Variants in FAM13A observed in about 807,000 individuals in gnomAD.
The protein encoded by FAM13A is family with sequence similarity 13 member A, also known as protein FAM13A.
Under a neutral mutation model 129.6 loss-of-function variants are expected in FAM13A, and 76 were observed. The ratio of observed to expected loss-of-function variants is 0.59; its 90% confidence interval spans 0.49 to 0.71. The LOEUF is 0.71. Ranked by LOEUF, FAM13A falls within the 30% of genes least tolerant of loss-of-function variation. The pLI is 0.00. For synonymous variants in FAM13A, 443 were observed against 449.9 expected, an observed-to-expected ratio of 0.98 and a Z score of 0.20; for missense variants, 1,108 against 1,249.3, an observed-to-expected ratio of 0.89 and a Z score of 1.70.
chr4:88,739,234 A>G (rs767120551), intron 19 of FAM13A, 109 bp from the exon 20 acceptor site: 3 of 728,704 alleles, frequency 4.1e-6, no homozygotes, highest in Non-Finnish European at 7.5e-6. Flanking sequence ...AGATGATGCA[A>G]CTTAAGTCTT....
rs1347770141 is a variant in FAM13A at position 88,727,566 on chromosome 4, G to A, written c.*967C>T. 3 of 152,484 alleles carry A rather than the reference G, an allele frequency of 2.0e-5. No individual in the cohort carries two copies. Among genetic ancestry groups the A allele is most frequent in the Non-Finnish European group, 4.4e-5 (3 of 68,060 alleles). The allele number at this position is 152,484 out of a possible 1,614,324, so 9.4% of individuals were successfully genotyped here. A position where few individuals can be genotyped will look rare whatever the true frequency, so the allele number is the denominator to read the frequency against. On this transcript the variant is annotated 3_prime_UTR_variant, in exon 24 of 24. Coordinates refer to ENST00000264344, the MANE Select transcript of FAM13A (RefSeq NM_014883.4). ...TTTTAAAAAAATTAAACTCTGGTAA[G>A]TACTCAGGAGGCTGAGAACACAGGC...
At chr4:88,991,287 C>T (rs1762893171) in intron 3 of FAM13A, 137 bp from the exon 4 acceptor site, 2 of 594,890 alleles carry the variant, frequency 3.4e-6, no homozygotes, top group Admixed American at 3.2e-5. Context: ...GTGTATTTGA[C>T]TTTATGTTAA....
intron 3 of FAM13A, among the ~76,000 whole-genome samples, chr4:89,017,279 T>G (rs1388392448): frequency 6.6e-6 from 1 of 152,160 alleles, no homozygotes; most frequent in African/African-American, 2.4e-5. Flanking sequence ...ATTTAACCTC[T>G]CTTCCCATTC....
intron 3 of FAM13A, among the ~76,000 whole-genome samples, chr4:89,019,300 T>C (rs1294992547): frequency 1.3e-5 from 2 of 152,216 alleles, no homozygotes; most frequent in Non-Finnish European, 2.9e-5. Context: ...TGGCTTTAGG[T>C]AGCACCCTTA....
chr4:88,886,580 C>T (rs1254350511), intron 6 of FAM13A, among the ~76,000 whole-genome samples: 1 of 150,232 alleles, frequency 6.7e-6, no homozygotes, highest in Non-Finnish European at 1.5e-5. Flanking sequence ...AAGAGTGAGA[C>T]TCCATCTTAA....
In FAM13A at chr4:88,816,890, G is replaced by C. The variant is rs527361342; in HGVS notation, c.1008-11838C>G. Among the ~76,000 whole-genome samples the C allele has an allele frequency of 1.2e-4, 19 of 152,264 alleles. No individual in the cohort carries two copies. The South Asian group carries it at 3.3e-3, about 27-fold the overall frequency. ...TAGGGATCCGTTTGGCTCTAAAATA[G>C]AGTCTATATTTTCATAATTCTCAAA... On this transcript the variant is annotated intron_variant, in intron 7 of 23. Transcript: ENST00000264344.
chr4:88,734,200 T>G (rs546712418), intron 21 of FAM13A, among the ~76,000 whole-genome samples: 1 of 152,268 alleles, frequency 6.6e-6, no homozygotes, highest in African/African-American at 2.4e-5. Flanking sequence ...GATGTAGTAT[T>G]TGGATTTCAA....
intron 1 of FAM13A, among the ~76,000 whole-genome samples, chr4:89,041,137 CAGTT>C (rs1361580619): frequency 2.6e-5 from 4 of 152,136 alleles, no homozygotes; most frequent in African/African-American, 9.7e-5. Flanking sequence ...TACAAACATA[CAGTT>C]AGAAAGAAGG....
chr4:88,965,768 G>T (rs1759271427), intron 4 of FAM13A, among the ~76,000 whole-genome samples: 1 of 152,100 alleles, frequency 6.6e-6, no homozygotes, highest in Non-Finnish European at 1.5e-5. Flanking sequence ...CCGTTTCTGT[G>T]AATCTGACTA....
intron 4 of FAM13A, among the ~76,000 whole-genome samples, chr4:88,955,254 A>G (rs1482922273): frequency 2.0e-5 from 3 of 152,130 alleles, no homozygotes; most frequent in East Asian, 1.9e-4. Context: ...ATTTCCCTTC[A>G]GTTTTGATAA....
At chr4:88,961,124 A>C (rs1758538036) in intron 4 of FAM13A, among the ~76,000 whole-genome samples, 1 of 152,170 alleles carries the variant, frequency 6.6e-6, no homozygotes, top group Non-Finnish European at 1.5e-5. Context: ...ATGTTGGCCT[A>C]GAACAATCAA....
intron 21 of FAM13A, among the ~76,000 whole-genome samples, chr4:88,734,481 G>A (rs2860528): frequency 0.16 from 24,737 of 152,106 alleles, 2,468 homozygotes; most frequent in South Asian, 0.31. Context: ...AGTATGAGAC[G>A]TAACAAATTG....
At chr4:89,025,249 T>TTTTTTG (rs1767792746) in intron 2 of FAM13A, among the ~76,000 whole-genome samples, 5 of 51,386 alleles carry the variant, frequency 9.7e-5, no homozygotes, top group African/African-American at 2.2e-4. Flanking sequence ...ATCATTGTTT[T>TTTTTTG]TTTTTTTTTT....
chr4:88,953,308 A>G (rs1292438205), intron 4 of FAM13A, among the ~76,000 whole-genome samples: 1 of 151,976 alleles, frequency 6.6e-6, no homozygotes, highest in Non-Finnish European at 1.5e-5. Context: ...TACAAAAATT[A>G]GCCGGGCGTG....
chr4:88,864,407 CTTAT>C (rs747014088), intron 6 of FAM13A, among the ~76,000 whole-genome samples: 6 of 151,996 alleles, frequency 3.9e-5, no homozygotes, highest in Non-Finnish European at 7.4e-5. Flanking sequence ...TGTTTGTGAT[CTTAT>C]TTATTTATTT....
intron 1 of FAM13A, among the ~76,000 whole-genome samples, chr4:89,031,198 T>C (rs1225380295): frequency 6.6e-6 from 1 of 152,092 alleles, no homozygotes; most frequent in African/African-American, 2.4e-5. Context: ...TTCAACTGAA[T>C]CCATGGGAAA....
intron 4 of FAM13A, among the ~76,000 whole-genome samples, chr4:88,976,772 G>A (rs1012390562): frequency 1.8e-4 from 20 of 112,196 alleles, no homozygotes; most frequent in African/African-American, 5.5e-4. Flanking sequence ...TTCAGGGTAA[G>A]TGCCCTACAC....
intron 3 of FAM13A, among the ~76,000 whole-genome samples, chr4:89,002,944 G>T (rs1764455075): frequency 6.6e-6 from 1 of 151,832 alleles, no homozygotes; most frequent in Admixed American, 6.6e-5. Context: ...AAATAAATGA[G>T]GAAATTTCAC....
rs770077194 is a variant in FAM13A, at chr4:88,767,508, T to C, written c.1578+45A>G. 31 of 1,464,660 alleles carry C rather than the reference T, an allele frequency of 2.1e-5. 1 individual carries two copies. The South Asian group carries it at 3.5e-4, about 16-fold the overall frequency. 90.7% of individuals were successfully genotyped at this position (1,464,660 alleles called of 1,614,324 possible). A position where few individuals can be genotyped will look rare whatever the true frequency, so the allele number is the denominator to read the frequency against. ...TTTCAGAAGTACACTCAAGAGTGTA[T>C]GAACAGCCCCGTCACAGTCTTACTC... On this transcript the variant is annotated intron_variant, in intron 13 of 23. Coordinates refer to ENST00000264344, the MANE Select transcript of FAM13A (RefSeq NM_014883.4).
Sources: gnomAD v4.1 joint callset for allele counts (sites outside exome capture counted in the v4.1 genomes callset) on GRCh38, gnomAD v4.1.1 for gene constraint, MANE v1.5 for transcripts, NCBI Gene and HGNC (gene_info 2026-07-23, HGNC 2026-07-21) for gene names.